The following KLHL2 variants were observed in gnomAD, a reference collection of about 807,000 sequenced individuals.
KLHL2 encodes the protein kelch like family member 2.
A neutral mutation model predicts 75.8 loss-of-function variants in KLHL2; 15 were observed. The ratio of observed to expected loss-of-function variants is 0.20; its 90% CI spans 0.13 to 0.30. The LOEUF (loss-of-function observed/expected upper bound fraction) is 0.30. Among genes scored for constraint, KLHL2 ranks in the 10% least tolerant of loss-of-function variants. KLHL2 has a pLI of 1.00. For missense variants in KLHL2, 381 were observed against 741.0 expected (o/e 0.51, Z 5.64); for synonymous variants, 214 against 251.9 (o/e 0.85, Z 1.42).
At chr4:165,236,297 ATAAAC>A (rs1739342416) in intron 3 of KLHL2, among the ~76,000 whole-genome samples, 1 of 152,236 alleles carries the variant, frequency 6.6e-6, no homozygotes, top group Admixed American at 6.5e-5. Flanking sequence ...AACATAAACA[ATAAAC>A]TATAATCTCT....
chr4:165,287,779 A>C (rs762352029), intron 5 of KLHL2, among the ~76,000 whole-genome samples: 1 of 152,138 alleles, frequency 6.6e-6, no homozygotes, highest in African/African-American at 2.4e-5. Context: ...TCTATCATCT[A>C]TTCATACGCT....
intron 5 of KLHL2, among the ~76,000 whole-genome samples, chr4:165,266,752 G>A (rs1173042160): frequency 2.8e-4 from 42 of 152,154 alleles, no homozygotes; most frequent in Middle Eastern, 3.2e-3. Flanking sequence ...GTCAGGTAGC[G>A]TGATGCCTCC....
chr4:165,310,840 T>A, intron 10 of KLHL2, 90 bp downstream of exon 10: 1 of 1,012,796 alleles, frequency 9.9e-7, no homozygotes, highest in East Asian at 2.4e-5. Context: ...TTAGGGCACA[T>A]GTGAGGTTTT....
chr4:165,276,233 C>T (rs764401631), intron 5 of KLHL2, among the ~76,000 whole-genome samples: 21 of 152,296 alleles, frequency 1.4e-4, no homozygotes, highest in Non-Finnish European at 2.4e-4. Context: ...TCCCAGGCCC[C>T]GGCGGTAGTA....
intron 4 of KLHL2, among the ~76,000 whole-genome samples, chr4:165,247,075 C>T (rs890310604): frequency 1.3e-5 from 2 of 152,132 alleles, no homozygotes; most frequent in Non-Finnish European, 2.9e-5. Flanking sequence ...GTCAGATGTT[C>T]TTGATAGGTC....
chr4:165,310,513 A>G (rs998601276), intron 9 of KLHL2, 40 bp from the exon 10 acceptor site: 1 of 1,524,434 alleles, frequency 6.6e-7, no homozygotes, highest in Non-Finnish European at 9.1e-7. Flanking sequence ...GTGGTAGTTG[A>G]GTTGCATGTT....
Position 165,323,026 on chromosome 4 carries a change from T to C in KLHL2, c.*966T>C, listed in dbSNP as rs1289746069. 3.3e-5 allele frequency: 5 copies of C among 152,662 alleles called. No individual in the cohort carries two copies. The highest frequency in any genetic ancestry group is 1.2e-4 in the African/African-American group (5 of 41,468). The allele number at this position is 152,662 out of a possible 1,614,324, so 9.5% of individuals were successfully genotyped here. On this transcript the variant is annotated 3_prime_UTR_variant, in exon 15 of 15. Coordinates refer to ENST00000226725, the MANE Select transcript of KLHL2 (RefSeq NM_007246.4). ...CTGCTATTAACAGAAGAGAGAACTTTCTGTGAGTAGCCATGTGTGTTGATC... is the reference window on the plus strand; with the variant it reads ...CTGCTATTAACAGAAGAGAGAACTTCCTGTGAGTAGCCATGTGTGTTGATC...
chr4:165,208,226 G>A (rs765042919), intron 1 of KLHL2, among the ~76,000 whole-genome samples: 15 of 152,108 alleles, frequency 9.9e-5, no homozygotes, highest in Non-Finnish European at 1.9e-4. Context: ...TGGGCACCTG[G>A]TGCCGAGTTT....
chr4:165,259,258 A>G (rs971453965), intron 4 of KLHL2, among the ~76,000 whole-genome samples: 8 of 152,094 alleles, frequency 5.3e-5, no homozygotes, highest in Non-Finnish European at 8.8e-5. Flanking sequence ...GTGCACCACC[A>G]TGCCCAGCTA....
At chr4:165,216,200 G>A (rs1737529350) in intron 1 of KLHL2, among the ~76,000 whole-genome samples, 1 of 152,170 alleles carries the variant, frequency 6.6e-6, no homozygotes, top group Non-Finnish European at 1.5e-5. Context: ...ATCATCAATA[G>A]TGTATTCTTA....
At chr4:165,275,254 C>T (rs892733399) in intron 5 of KLHL2, among the ~76,000 whole-genome samples, 1 of 152,014 alleles carries the variant, frequency 6.6e-6, no homozygotes, top group Non-Finnish European at 1.5e-5. Context: ...GTGGACTCTT[C>T]TCATGTTTGT....
intron 4 of KLHL2, among the ~76,000 whole-genome samples, chr4:165,244,308 A>G (rs1284783266): frequency 6.6e-6 from 1 of 152,264 alleles, no homozygotes; most frequent in Admixed American, 6.5e-5. Context: ...TGCAAGTGTC[A>G]TAAACAGATG....
chr4:165,252,489 T>C (rs376020674), intron 4 of KLHL2: 4 of 152,328 alleles, frequency 2.6e-5, no homozygotes, highest in Admixed American at 6.5e-5. Flanking sequence ...ATCTCATTGT[T>C]AGGTTAGTAA....
chr4:165,321,981 T>C, intron 14 of KLHL2, 51 bp from the exon 15 acceptor site: 1 of 1,549,946 alleles, frequency 6.5e-7, no homozygotes, highest in East Asian at 2.2e-5. Context: ...TTCTCAGAGA[T>C]ACAGAGTGCT....
At chr4:165,317,365 C>CTT (rs34078288) in intron 13 of KLHL2, among the ~76,000 whole-genome samples, 123 of 144,500 alleles carry the variant, frequency 8.5e-4, no homozygotes, top group Admixed American at 1.4e-3. Flanking sequence ...AGAAAGAATT[C>CTT]TTTTTTTTTT....
chr4:165,270,507 G>T (rs1560789607), intron 5 of KLHL2, among the ~76,000 whole-genome samples: 1 of 152,176 alleles, frequency 6.6e-6, no homozygotes, highest in African/African-American at 2.4e-5. Context: ...TGGGGTTTTG[G>T]TGTGGATGTC....
chr4:165,283,723 C>G (rs1396490538), intron 5 of KLHL2, among the ~76,000 whole-genome samples: 4 of 152,178 alleles, frequency 2.6e-5, no homozygotes, highest in Non-Finnish European at 4.4e-5. Context: ...CTAGGCAGTA[C>G]CCCAGTAGGG....
At chr4:165,211,458 T>A (rs1424942152) in intron 1 of KLHL2, among the ~76,000 whole-genome samples, 1 of 152,272 alleles carries the variant, frequency 6.6e-6, no homozygotes, top group Non-Finnish European at 1.5e-5. Context: ...CTGGACCGGA[T>A]GACCTTTAAT....
In KLHL2 at chr4:165,322,790, C is replaced by T. The variant is rs1485264935; in HGVS notation, c.*730C>T. ...GTAACACACTTGAATATGTGTGATGCCAAACTTTTTAAAATACAATATAAA... is the reference window on the plus strand; with the variant it reads ...GTAACACACTTGAATATGTGTGATGTCAAACTTTTTAAAATACAATATAAA... On this transcript the variant is annotated 3_prime_UTR_variant, in exon 15 of 15. Transcript: ENST00000226725. 2 of 152,492 alleles carry T rather than the reference C, an allele frequency of 1.3e-5. No homozygotes were observed. The highest frequency in any genetic ancestry group is 2.9e-5 in the Non-Finnish European group (2 of 67,998). 9.4% of individuals were successfully genotyped at this position (152,492 alleles called of 1,614,324 possible).
Sources: allele counts gnomAD v4.1 joint callset (sites outside exome capture counted in the v4.1 genomes callset), GRCh38; gene constraint gnomAD v4.1.1; transcripts MANE v1.5; gene names NCBI Gene and HGNC (gene_info 2026-07-23, HGNC 2026-07-21).